Variants in PSMA8 observed in about 807,000 individuals in gnomAD.
PSMA8 encodes the protein proteasome 20S subunit alpha 8.
Under a neutral mutation model 32.4 loss-of-function variants are expected in PSMA8, and 18 were observed. The ratio of observed to expected loss-of-function variants is 0.56; its 90% CI spans 0.38 to 0.82. PSMA8 has a LOEUF of 0.82. Ranked by LOEUF, PSMA8 falls within the 40% of genes least tolerant of loss-of-function variation. PSMA8 has a pLI of 0.00. For missense variants in PSMA8, 298 were observed against 300.7 expected, an observed-to-expected ratio of 0.99 and a Z score of 0.07; for synonymous variants, 104 against 98.1, an observed-to-expected ratio of 1.06 and a Z score of -0.36.
chr18:26,170,276 G>A (rs1356048163), intron 4 of PSMA8, among the ~76,000 whole-genome samples: 3 of 130,672 alleles, frequency 2.3e-5, no homozygotes, highest in East Asian at 2.2e-4. Flanking sequence ...TGGACTTCCA[G>A]GTTGTTTTCA....
chr18:26,186,271 A>AC (rs1229718526), intron 6 of PSMA8, among the ~76,000 whole-genome samples: 3 of 149,980 alleles, frequency 2.0e-5, no homozygotes, highest in African/African-American at 7.3e-5. Context: ...AAAAAAAAAA[A>AC]AAAAAACGCA....
rs1001813133 is a variant in PSMA8, at chr18:26,193,332, G to C, written c.*921G>C. 2 of 152,044 alleles carry C rather than the reference G, an allele frequency of 1.3e-5. No homozygotes were observed. Among genetic ancestry groups the C allele is most frequent in the African/African-American group, 2.4e-5 (1 of 41,410 alleles). The allele number at this position is 152,044 out of a possible 1,614,324, so 9.4% of individuals were successfully genotyped here. A position where few individuals can be genotyped will look rare whatever the true frequency, so the allele number is the denominator to read the frequency against. On this transcript the variant is annotated 3_prime_UTR_variant, in exon 7 of 7. Transcript: ENST00000415576. Reference sequence around the variant, plus strand: ...ATTCCTACAGTGAGTTTATATTTTTGAAAATAAAAGCTAGTAAATATTCTT... The same window carrying C: ...ATTCCTACAGTGAGTTTATATTTTTCAAAATAAAAGCTAGTAAATATTCTT...
Position 26,179,060 on chromosome 18 carries a change from T to C in PSMA8, c.598-8T>C, listed in dbSNP as rs1211951686. 6.2e-7 allele frequency: 1 copy of C among 1,611,572 alleles called. No individual in the cohort carries two copies. The highest frequency in any genetic ancestry group is 1.1e-5 in the South Asian group (1 of 90,520). Reference sequence around the variant, plus strand: ...AATAATTCTAATAGTGTACTTGTTCTACATTAGGTTGTCCAGTCTGGTGGA... The same window carrying C: ...AATAATTCTAATAGTGTACTTGTTCCACATTAGGTTGTCCAGTCTGGTGGA... On this transcript the variant is annotated splice_polypyrimidine_tract_variant and splice_region_variant and intron_variant, in intron 5 of 6. Transcript: ENST00000415576.
chr18:26,162,643 A>G (rs964709359), intron 4 of PSMA8, among the ~76,000 whole-genome samples: 7 of 152,152 alleles, frequency 4.6e-5, no homozygotes, highest in Non-Finnish European at 8.8e-5. Flanking sequence ...AGGTGGGCAG[A>G]TCACAAGGTC....
At chr18:26,180,582 C>A (rs1037092202) in intron 6 of PSMA8, among the ~76,000 whole-genome samples, 1 of 152,040 alleles carries the variant, frequency 6.6e-6, no homozygotes, top group Non-Finnish European at 1.5e-5. Flanking sequence ...GTTTTTGTCA[C>A]CCCTGCTGCT....
At chr18:26,188,806 A>G (rs957449476) in intron 6 of PSMA8, among the ~76,000 whole-genome samples, 3 of 152,166 alleles carry the variant, frequency 2.0e-5, no homozygotes, top group Admixed American at 1.3e-4. Context: ...ATGAAACTAA[A>G]CCCCTATCTC....
chr18:26,149,922 A>G (rs2055031748), intron 2 of PSMA8, among the ~76,000 whole-genome samples: 1 of 152,222 alleles, frequency 6.6e-6, no homozygotes, highest in Non-Finnish European at 1.5e-5. Context: ...CTACAAAAAA[A>G]TTATTTCATG....
intron 4 of PSMA8, among the ~76,000 whole-genome samples, chr18:26,162,968 T>C (rs2144315307): frequency 6.6e-6 from 1 of 152,144 alleles, no homozygotes; most frequent in Non-Finnish European, 1.5e-5. Context: ...AGGGATGTTA[T>C]AGTGCAGGAT....
intron 1 of PSMA8, among the ~76,000 whole-genome samples, chr18:26,136,319 TTTA>T (rs1050329424): frequency 1.9e-4 from 28 of 150,954 alleles, no homozygotes; most frequent in Admixed American, 1.4e-3. Flanking sequence ...AACGATAAGA[TTTA>T]TTATCATTCC....
intron 3 of PSMA8, among the ~76,000 whole-genome samples, chr18:26,152,435 C>T (rs1045409770): frequency 6.6e-6 from 1 of 152,058 alleles, no homozygotes; most frequent in African/African-American, 2.4e-5. Flanking sequence ...AGCAATCCTC[C>T]CACCTCAGCC....
At chr18:26,183,828 G>A (rs1429335193) in intron 6 of PSMA8, among the ~76,000 whole-genome samples, 1 of 150,548 alleles carries the variant, frequency 6.6e-6, no homozygotes, top group Non-Finnish European at 1.5e-5. Flanking sequence ...TTTGGGAAAG[G>A]AAGAGTCTAT....
chr18:26,191,462 G>A (rs1410360175), intron 6 of PSMA8, among the ~76,000 whole-genome samples: 1 of 151,856 alleles, frequency 6.6e-6, no homozygotes, highest in Non-Finnish European at 1.5e-5. Context: ...AACCCTGTCT[G>A]TACTGAAAAT....
At chr18:26,159,267 C>T (rs147284043) in intron 4 of PSMA8, among the ~76,000 whole-genome samples, 64 of 152,284 alleles carry the variant, frequency 4.2e-4, no homozygotes, top group African/African-American at 1.4e-3. Context: ...ACTGACCATA[C>T]TCATAAGATA....
At chr18:26,147,240 A>T (rs1162806110) in intron 2 of PSMA8, among the ~76,000 whole-genome samples, 5 of 151,756 alleles carry the variant, frequency 3.3e-5, no homozygotes, top group Non-Finnish European at 7.4e-5. Context: ...AAAGATTGAA[A>T]CCATACAGAG....
chr18:26,151,720 A>G, intron 2 of PSMA8, 138 bp from the exon 3 acceptor site: 1 of 640,580 alleles, frequency 1.6e-6, no homozygotes, highest in Non-Finnish European at 2.5e-6. Flanking sequence ...TTATCTCACA[A>G]GTCTTTTAAA....
At chr18:26,189,547 T>C (rs1373527352) in intron 6 of PSMA8, among the ~76,000 whole-genome samples, 1 of 151,904 alleles carries the variant, frequency 6.6e-6, no homozygotes, top group Non-Finnish European at 1.5e-5. Flanking sequence ...AAAAAGGTGA[T>C]CAACATCATT....
chr18:26,161,548 G>C (rs1040645325), intron 4 of PSMA8, among the ~76,000 whole-genome samples: 3 of 152,152 alleles, frequency 2.0e-5, no homozygotes. Flanking sequence ...TTGCTCAGAG[G>C]CTATGTTTTC....
At chr18:26,152,389 A>T (rs2055053725) in intron 3 of PSMA8, among the ~76,000 whole-genome samples, 1 of 152,008 alleles carries the variant, frequency 6.6e-6, no homozygotes, top group Non-Finnish European at 1.5e-5. Flanking sequence ...TAGTGGTATG[A>T]TCTTGGCCCA....
chr18:26,185,484 A>G (rs993265294), intron 6 of PSMA8, among the ~76,000 whole-genome samples: 1 of 150,690 alleles, frequency 6.6e-6, no homozygotes, highest in Non-Finnish European at 1.5e-5. Context: ...AGAATGATTT[A>G]TTTTCCTGTT....
Sources: gnomAD v4.1 joint callset for allele counts (sites outside exome capture counted in the v4.1 genomes callset) on GRCh38, gnomAD v4.1.1 for gene constraint, MANE v1.5 for transcripts, NCBI Gene and HGNC (gene_info 2026-07-23, HGNC 2026-07-21) for gene names.